Variants in POLR1A observed in about 807,000 individuals in gnomAD.
POLR1A encodes RNA polymerase I subunit A, also known as DNA-directed RNA polymerase I subunit RPA1.
POLR1A carries 84 observed loss-of-function variants against 205.3 expected under a neutral mutation model. The observed-to-expected ratio is 0.41, with a 90% CI of 0.34 to 0.49. The LOEUF is 0.49. POLR1A is among the 20% of genes least tolerant of loss of function. The pLI is 0.22. For synonymous variants in POLR1A, 799 were observed against 863.7 expected, an observed-to-expected ratio of 0.93 and a Z score of 1.31; for missense variants, 1,645 against 2,204.5, an observed-to-expected ratio of 0.75 and a Z score of 5.08.
chr2:86,031,566 C>T lies in POLR1A; in HGVS notation c.4342G>A (p.Glu1448Lys), dbSNP rs770761154. 6.2e-7 allele frequency: 1 copy of T among 1,614,100 alleles called. No individual in the cohort carries two copies. The highest frequency in any genetic ancestry group is 1.3e-5 in the African/African-American group (1 of 75,038). Reference protein sequence around the residue: ...EENDDEDMQEERNPHREGARK... With the variant: ...EENDDEDMQEKRNPHREGARK... Reference sequence around the variant, plus strand: ...GCACCTTCCCTGTGGGGATTTCGTTCCTCCTGCATGTCTTCATCGTCGTTC... The same window carrying T: ...GCACCTTCCCTGTGGGGATTTCGTTTCTCCTGCATGTCTTCATCGTCGTTC... Residue 1448 changes from glutamate (E) to lysine (K), a missense_variant, in exon 30 of 34, where the codon GAA becomes AAA. This residue lies in a region of POLR1A where 394 missense variants were observed against 468.5 expected (regional missense o/e 0.84). Transcript: ENST00000263857.
At chr2:86,081,048 C>A in intron 8 of POLR1A, 70 bp from the exon 9 acceptor site, 1 of 1,412,264 alleles carries the variant, frequency 7.1e-7, no homozygotes, top group Non-Finnish European at 9.8e-7. Flanking sequence ...AGCCTCTCAC[C>A]CATGCCTACT....
At chr2:86,102,494 A>C (rs1398508192) in intron 1 of POLR1A, among the ~76,000 whole-genome samples, 1 of 152,104 alleles carries the variant, frequency 6.6e-6, no homozygotes, top group African/African-American at 2.4e-5. Context: ...GAGTTGTAGG[A>C]GTTCTTTTTA....
rs1187973740 is a variant in POLR1A at position 86,031,570 on chromosome 2, CT to C, written c.4337del (p.Gln1446ArgfsTer23). 6.2e-7 allele frequency: 1 copy of C among 1,613,930 alleles called. No individual in the cohort carries two copies. Among genetic ancestry groups the C allele is most frequent in the Non-Finnish European group, 8.5e-7 (1 of 1,179,906 alleles). The part of the protein sequence containing the change: ...EGEENDDEDM[Q>X]EERNPHREGA... ...CTTCCCTGTGGGGATTTCGTTCCTC[CT>C]GCATGTCTTCATCGTCGTTCTCCTC... On this transcript the variant is annotated frameshift_variant, in exon 30 of 34. Coordinates refer to ENST00000263857, the MANE Select transcript of POLR1A (RefSeq NM_015425.6). LOFTEE classifies it high-confidence loss of function.
In POLR1A at chr2:86,024,445, G is replaced by A. The variant is rs948669671; in HGVS notation, c.*2978C>T. 6.6e-6 allele frequency: 1 copy of A among 152,360 alleles called. No individual in the cohort carries two copies. The highest frequency in any genetic ancestry group is 2.4e-5 in the African/African-American group (1 of 41,444). The allele number at this position is 152,360 out of a possible 1,614,324, so 9.4% of individuals were successfully genotyped here. On this transcript the variant is annotated 3_prime_UTR_variant, in exon 34 of 34. Coordinates refer to ENST00000263857, the MANE Select transcript of POLR1A (RefSeq NM_015425.6). ...TAGGGCAAAGTGAAGAGAAAAGAAGGTTCAAGTTCCAGACTGGGGATGAGA... is the reference window on the plus strand; with the variant it reads ...TAGGGCAAAGTGAAGAGAAAAGAAGATTCAAGTTCCAGACTGGGGATGAGA...
intron 21 of POLR1A, 42 bp downstream of exon 21, chr2:86,045,236 C>T (rs1488606457): frequency 1.6e-6 from 2 of 1,262,924 alleles, no homozygotes; most frequent in Non-Finnish European, 2.3e-6. Flanking sequence ...GCAGGAAGGG[C>T]CCTGGCACTC....
In POLR1A at chr2:86,075,127, G is replaced by A; in HGVS notation, c.1514C>T (p.Thr505Ile). 1 of 1,613,604 alleles carries A rather than the reference G, an allele frequency of 6.2e-7. No homozygotes were observed. Among genetic ancestry groups the A allele is most frequent in the Non-Finnish European group, 8.5e-7 (1 of 1,179,942 alleles). The stretch of plus-strand genomic sequence containing the variant: ...GGTCATGTCCACAGCGCTCAGGGCT[G>A]TGCGGCTGCCGTCCTCATTGATGAC... The part of the protein sequence containing the change: ...SMVINEDGSR[T>I]ALSAVDMTQR... Residue 505 changes from threonine to isoleucine, a missense_variant, in exon 12 of 34, where the codon ACA becomes ATA. Transcript: ENST00000263857.
At position 86,038,807 on chromosome 2, in the gene POLR1A, C is replaced by T. The variant is rs2289238; in HGVS notation, c.3927G>A (p.Gln1309=). 6.2e-7 allele frequency: 1 copy of T among 1,614,052 alleles called. No homozygotes were observed. The highest frequency in any genetic ancestry group is 1.3e-5 in the African/African-American group (1 of 75,056). ...VQESFCMEEK[Q]NKFQVYQLRF... ...GCAGCTGGTACACCTGGAATTTGTT[C>T]TGTTTTTCTTCCATACAGAAGGACT... Residue 1309 remains glutamine, a synonymous_variant, in exon 27 of 34, where the codon CAG becomes CAA. Coordinates refer to ENST00000263857, the MANE Select transcript of POLR1A (RefSeq NM_015425.6).
At chr2:86,099,248 T>C (rs544185922) in intron 2 of POLR1A, among the ~76,000 whole-genome samples, 21 of 151,642 alleles carry the variant, frequency 1.4e-4, no homozygotes, top group Admixed American at 6.6e-4. Context: ...TCCCAGCTAC[T>C]AGGGAGGCTG....
chr2:86,028,554 G>A lies in POLR1A; in HGVS notation c.4897+40C>T, dbSNP rs1187564290. 2.1e-6 allele frequency: 3 copies of A among 1,459,098 alleles called. No individual in the cohort carries two copies. The highest frequency in any genetic ancestry group is 2.9e-6 in the Non-Finnish European group (3 of 1,038,800). The allele number at this position is 1,459,098 out of a possible 1,614,324, so 90.4% of individuals were successfully genotyped here. On this transcript the variant is annotated intron_variant, in intron 32 of 33. Coordinates refer to ENST00000263857, the MANE Select transcript of POLR1A (RefSeq NM_015425.6). The surrounding 1 kb of genome is among the most constrained non-coding windows in gnomAD (Gnocchi z 4.5). ...GCCGAGCCTTCTGGTGTCCTGGCTGGTGCCCAGACCTCGGGGTGTTATCTG... is the reference window on the plus strand; with the variant it reads ...GCCGAGCCTTCTGGTGTCCTGGCTGATGCCCAGACCTCGGGGTGTTATCTG...
intron 11 of POLR1A, among the ~76,000 whole-genome samples, chr2:86,075,746 G>T (rs1454866404): frequency 1.3e-5 from 2 of 152,194 alleles, no homozygotes; most frequent in African/African-American, 4.8e-5. Context: ...AACCTCAGCT[G>T]ATCTGCCCGC....
chr2:86,075,107 T>C lies in POLR1A; in HGVS notation c.1534A>G (p.Met512Val), dbSNP rs368873421. The change falls in exon 12 of 34, where the codon ATG becomes GTG. Residue 512 changes from methionine (M) to valine (V), a missense_variant. Transcript: ENST00000263857. ...TTGGCCACGGCCTCTCGCTGGGTCA[T>C]GTCCACAGCGCTCAGGGCTGTGCGG... Reference protein sequence around the residue: ...GSRTALSAVDMTQREAVAKQL... With the variant: ...GSRTALSAVDVTQREAVAKQL... 1.7e-5 allele frequency: 28 copies of C among 1,613,266 alleles called. No individual in the cohort carries two copies. The highest frequency in any genetic ancestry group is 2.3e-5 in the Non-Finnish European group (27 of 1,179,932).
intron 3 of POLR1A, among the ~76,000 whole-genome samples, chr2:86,097,244 C>CAAAAAAAAAAAAAAAAAAAAAAAAAAA (rs1213876753): frequency 5.2e-4 from 21 of 40,702 alleles, no homozygotes; most frequent in African/African-American, 1.3e-3. Context: ...AAAAAAAAAG[C>CAAAAAAAAAAAAAAAAAAAAAAAAAAA]AAATGCTGGT....
chr2:86,049,069 A>G, intron 17 of POLR1A, 27 bp from the exon 18 acceptor site: 1 of 1,614,104 alleles, frequency 6.2e-7, no homozygotes, highest in Non-Finnish European at 8.5e-7. Flanking sequence ...AACACAGCGG[A>G]GGCTGAGGCC....
chr2:86,029,791 G>C (rs946962682), intron 31 of POLR1A, among the ~76,000 whole-genome samples: 3 of 151,654 alleles, frequency 2.0e-5, no homozygotes, highest in Non-Finnish European at 4.4e-5. Context: ...TAGTAGAGAA[G>C]GGGTTTCACC....
At chr2:86,034,481 A>G (rs1367861777) in intron 27 of POLR1A, among the ~76,000 whole-genome samples, 2 of 152,216 alleles carry the variant, frequency 1.3e-5, no homozygotes, top group Non-Finnish European at 2.9e-5. Context: ...ACCAACCTGA[A>G]GCTCAGAACC....
chr2:86,032,530 C>T lies in POLR1A; in HGVS notation c.4162-148G>A. On this transcript the variant is annotated intron_variant, in intron 28 of 33. Coordinates refer to ENST00000263857, the MANE Select transcript of POLR1A (RefSeq NM_015425.6). Reference sequence around the variant, plus strand: ...CCAGCCACCACCCTCCATCCACTGCCACCCAACCCAACCCGTCTACTGGCA... The same window carrying T: ...CCAGCCACCACCCTCCATCCACTGCTACCCAACCCAACCCGTCTACTGGCA... The T allele has an allele frequency of 6.1e-6, 4 of 657,310 alleles. No individual in the cohort carries two copies. In the East Asian group the frequency reaches 1.1e-4, roughly 18 times the overall value. The allele number at this position is 657,310 out of a possible 1,614,324, so 40.7% of individuals were successfully genotyped here.
Position 86,039,091 on chromosome 2 carries a change from G to A in POLR1A, c.3877-234C>T, listed in dbSNP as rs532717199. On this transcript the variant is annotated intron_variant, in intron 26 of 33. Coordinates refer to ENST00000263857, the MANE Select transcript of POLR1A (RefSeq NM_015425.6). ...AGGAGTGGCCTCAGCAGAGCGGGTA[G>A]GCAAACTCAGGAAATGGTTTATTTT... 1.5e-3 allele frequency among the ~76,000 whole-genome samples: 236 copies of A among 152,294 alleles called. 4 individuals are homozygous for A. The highest frequency in any genetic ancestry group is 5.4e-3 in the African/African-American group (226 of 41,572).
At position 86,027,420 on chromosome 2, in the gene POLR1A, C is replaced by A. The variant is rs1672284682; in HGVS notation, c.*3G>T. On this transcript the variant is annotated 3_prime_UTR_variant, in exon 34 of 34. Transcript: ENST00000263857. ...AGCTGGGCAGATGGTGCCGGGGTAGCTGCTATCTCAGAGGCTGCTTGAGCT... is the reference window on the plus strand; with the variant it reads ...AGCTGGGCAGATGGTGCCGGGGTAGATGCTATCTCAGAGGCTGCTTGAGCT... The A allele has an allele frequency of 4.3e-6, 7 of 1,612,912 alleles. No homozygotes were observed. Among genetic ancestry groups the A allele is most frequent in the African/African-American group, 1.3e-5 (1 of 74,910 alleles).
chr2:86,041,149 C>CTGTGTGTGTGTGTGTGTG (rs756415592), intron 24 of POLR1A, among the ~76,000 whole-genome samples: 32 of 122,332 alleles, frequency 2.6e-4, no homozygotes, highest in African/African-American at 9.5e-4. Context: ...CTGAGCTACA[C>CTGTGTGTGTGTGTGTGTG]TGTGTGTGTG....
Sources: allele counts gnomAD v4.1 joint callset (sites outside exome capture counted in the v4.1 genomes callset), GRCh38; gene constraint gnomAD v4.1.1; regional missense constraint gnomAD v4.1.1; non-coding constraint Gnocchi (gnomAD v3.1); transcripts MANE v1.5; gene names NCBI Gene and HGNC (gene_info 2026-07-23, HGNC 2026-07-21).